The following DPY19L3 variants were observed in gnomAD, a reference collection of about 807,000 sequenced individuals.
DPY19L3 encodes dpy-19 like C-mannosyltransferase 3, also known as protein C-mannosyl-transferase DPY19L3.
DPY19L3 carries 51 observed loss-of-function variants against 92.3 expected under a neutral mutation model. The observed-to-expected ratio is 0.55, with a 90% CI of 0.44 to 0.70. DPY19L3 has a LOEUF of 0.70. Ranked by LOEUF, DPY19L3 falls within the 30% of genes least tolerant of loss-of-function variation. The pLI, the probability that DPY19L3 is intolerant of heterozygous loss-of-function variation, is 0.00. For synonymous variants in DPY19L3, 309 were observed against 315.2 expected, an observed-to-expected ratio of 0.98 and a Z score of 0.21; for missense variants, 706 against 855.9, an observed-to-expected ratio of 0.82 and a Z score of 2.18.
intron 17 of DPY19L3, among the ~76,000 whole-genome samples, chr19:32,478,147 T>C (rs1020692030): frequency 1.3e-4 from 20 of 152,156 alleles, no homozygotes; most frequent in Non-Finnish European, 1.5e-5. Context: ...AGAACGTAAG[T>C]GCACAGGGCT....
chr19:32,427,683 C>A (rs1434092637), intron 3 of DPY19L3, among the ~76,000 whole-genome samples: 14 of 152,208 alleles, frequency 9.2e-5, no homozygotes, highest in Non-Finnish European at 2.1e-4. Context: ...GCACTTCTCA[C>A]ATGCCACGGC....
chr19:32,457,035 A>G (rs1969887911), intron 10 of DPY19L3, among the ~76,000 whole-genome samples: 2 of 152,164 alleles, frequency 1.3e-5, no homozygotes, highest in East Asian at 1.9e-4. Flanking sequence ...GGAGCAGCCA[A>G]CATTTCTGGA....
chr19:32,407,264 T>TCCCCCCCCCCCCCCCCCCCCCCCCCC (rs148363125), intron 1 of DPY19L3, among the ~76,000 whole-genome samples: 1 of 81,320 alleles, frequency 1.2e-5, no homozygotes, highest in Non-Finnish European at 2.5e-5. Flanking sequence ...AGGCTCCTGC[T>TCCCCCCCCCCCCCCCCCCCCCCCCCC]CCCCCCCACC....
chr19:32,475,482 G>A (rs1010162958), intron 16 of DPY19L3, among the ~76,000 whole-genome samples: 7 of 152,240 alleles, frequency 4.6e-5, no homozygotes, highest in South Asian at 2.1e-4. Context: ...TTATCGTATC[G>A]TTGATTGCTG....
intron 14 of DPY19L3, 149 bp downstream of exon 14, chr19:32,464,129 G>T: frequency 2.4e-6 from 1 of 410,570 alleles, no homozygotes; most frequent in Admixed American, 4.3e-5. Flanking sequence ...GATTTTATAG[G>T]GAATTATTTT....
At chr19:32,437,498 T>G (rs1969181585) in intron 6 of DPY19L3, among the ~76,000 whole-genome samples, 159 bp downstream of exon 6, 1 of 152,190 alleles carries the variant, frequency 6.6e-6, no homozygotes, top group Non-Finnish European at 1.5e-5. Context: ...TCTTATTTAG[T>G]TAGGGAGAAA....
chr19:32,411,692 C>G (rs1968188717), intron 3 of DPY19L3: 2 of 327,956 alleles, frequency 6.1e-6, no homozygotes, highest in Non-Finnish European at 1.1e-5. Context: ...CTTAGCCTCC[C>G]AAGTAGCTGG....
At chr19:32,460,312 A>G (rs1274939321) in intron 12 of DPY19L3, among the ~76,000 whole-genome samples, 1 of 152,254 alleles carries the variant, frequency 6.6e-6, no homozygotes, top group Middle Eastern at 3.4e-3. Context: ...TCGGGAGGCT[A>G]AGGCGGGAGG....
intron 3 of DPY19L3, among the ~76,000 whole-genome samples, chr19:32,419,687 G>A (rs969060750): frequency 3.9e-5 from 6 of 152,012 alleles, no homozygotes; most frequent in African/African-American, 1.4e-4. Context: ...TCCCACCTGG[G>A]CCTCCCAAAG....
At chr19:32,436,668 TTAG>T (rs1319109336) in intron 5 of DPY19L3, 101 bp downstream of exon 5, 3 of 1,105,402 alleles carry the variant, frequency 2.7e-6, no homozygotes, top group Admixed American at 2.8e-5. Flanking sequence ...TTCAACTGGT[TTAG>T]TAGAAAATCA....
intron 16 of DPY19L3, among the ~76,000 whole-genome samples, chr19:32,474,866 G>A (rs1970459736): frequency 6.6e-6 from 1 of 152,196 alleles, no homozygotes; most frequent in South Asian, 2.1e-4. Flanking sequence ...TGGGATTACA[G>A]ACATGAGCCA....
intron 8 of DPY19L3, among the ~76,000 whole-genome samples, chr19:32,445,369 A>G (rs1225725185): frequency 7.4e-6 from 1 of 134,586 alleles, no homozygotes; most frequent in Non-Finnish European, 1.5e-5. Flanking sequence ...TGAACCTGGG[A>G]GGCGGAGCTT....
rs190891524 is a variant in DPY19L3 at position 32,458,276 on chromosome 19, C to T, written c.1164-75C>T. On this transcript the variant is annotated intron_variant, in intron 11 of 18. Transcript: ENST00000392250. ...GCCTTCAACTATTAATTGCAGACTC[C>T]CTCTGAGGAAAGATGCAATGTCATT... The T allele has an allele frequency of 3.8e-5, 60 of 1,583,216 alleles. No homozygotes were observed. In the African/African-American group the frequency reaches 7.9e-4, roughly 21 times the overall value.
At chr19:32,437,403 T>C (rs1969178695) in intron 6 of DPY19L3, 64 bp downstream of exon 6, 1 of 1,541,388 alleles carries the variant, frequency 6.5e-7, no homozygotes, top group Non-Finnish European at 8.8e-7. Flanking sequence ...GTCACTTCAT[T>C]TCCAGCTCAG....
At chr19:32,427,231 G>C (rs1364333356) in intron 3 of DPY19L3, among the ~76,000 whole-genome samples, 1 of 152,190 alleles carries the variant, frequency 6.6e-6, no homozygotes, top group Non-Finnish European at 1.5e-5. Context: ...CTGGGCTTAA[G>C]TAATCCACCT....
At chr19:32,448,066 C>T (rs928231743) in intron 8 of DPY19L3, among the ~76,000 whole-genome samples, 5 of 152,012 alleles carry the variant, frequency 3.3e-5, no homozygotes, top group African/African-American at 9.7e-5. Context: ...ATGTTATGTA[C>T]GTGTAACGAA....
chr19:32,423,881 C>T (rs1568329249), intron 3 of DPY19L3, among the ~76,000 whole-genome samples: 1 of 151,556 alleles, frequency 6.6e-6, no homozygotes. Flanking sequence ...GGCATGGTGG[C>T]ATGTGCCTAT....
At position 32,483,438 on chromosome 19, in the gene DPY19L3, A is replaced by G. The variant is rs1385619382; in HGVS notation, c.*1198A>G. 1 of 152,672 alleles carries G rather than the reference A, an allele frequency of 6.5e-6. No homozygotes were observed. Among genetic ancestry groups the G allele is most frequent in the Admixed American group, 6.5e-5 (1 of 15,288 alleles). The allele number at this position is 152,672 out of a possible 1,614,324, so 9.5% of individuals were successfully genotyped here. ...ATGATGAGGACATGTAAAAGTTGCCAGTAAGAACATAGTATGCATTTAATT... is the reference window on the plus strand; with the variant it reads ...ATGATGAGGACATGTAAAAGTTGCCGGTAAGAACATAGTATGCATTTAATT... On this transcript the variant is annotated 3_prime_UTR_variant, in exon 19 of 19. Coordinates refer to ENST00000392250, the MANE Select transcript of DPY19L3 (RefSeq NM_001172774.2).
In DPY19L3 at chr19:32,464,789, G is replaced by T; in HGVS notation, c.1614+5G>T. The T allele has an allele frequency of 6.6e-7, 1 of 1,510,736 alleles. No homozygotes were observed. The highest frequency in any genetic ancestry group is 9.0e-7 in the Non-Finnish European group (1 of 1,114,356). 93.6% of individuals were successfully genotyped at this position (1,510,736 alleles called of 1,614,324 possible). A position where few individuals can be genotyped will look rare whatever the true frequency, so the allele number is the denominator to read the frequency against. Reference sequence around the variant, plus strand: ...CTGCTGTATCTATGCTATAAGGTAAGACTGATTTTCCTCATTCTTGTCATT... The same window carrying T: ...CTGCTGTATCTATGCTATAAGGTAATACTGATTTTCCTCATTCTTGTCATT... On this transcript the variant is annotated splice_donor_5th_base_variant and intron_variant, in intron 15 of 18. Transcript: ENST00000392250.
Sources: gnomAD v4.1 joint callset for allele counts (sites outside exome capture counted in the v4.1 genomes callset) on GRCh38, gnomAD v4.1.1 for gene constraint, MANE v1.5 for transcripts, NCBI Gene and HGNC (gene_info 2026-07-23, HGNC 2026-07-21) for gene names.